Variants in PPM1E observed in about 807,000 individuals in gnomAD.
PPM1E encodes protein phosphatase, Mg2+/Mn2+ dependent 1E, also known as protein phosphatase 1E.
A neutral mutation model predicts 65.9 loss-of-function variants in PPM1E; 20 were observed. The observed-to-expected ratio is 0.30, with a 90% CI of 0.21 to 0.44. The LOEUF (loss-of-function observed/expected upper bound fraction) is 0.44. PPM1E is among the 20% of genes least tolerant of loss of function. The pLI, the probability that PPM1E is intolerant of heterozygous loss-of-function variation, is 1.00. For missense variants in PPM1E, 713 were observed against 953.1 expected (o/e 0.75, Z 3.32); for synonymous variants, 352 against 374.9 (o/e 0.94, Z 0.70).
At chr17:58,761,596 C>G (rs937721047) in intron 1 of PPM1E, among the ~76,000 whole-genome samples, 2 of 152,000 alleles carry the variant, frequency 1.3e-5, no homozygotes, top group Admixed American at 1.3e-4. Context: ...TATATTTTTC[C>G]CTCTGCTTGG....
At chr17:58,789,984 T>A (rs1411622419) in intron 1 of PPM1E, among the ~76,000 whole-genome samples, 1 of 152,160 alleles carries the variant, frequency 6.6e-6, no homozygotes, top group African/African-American at 2.4e-5. Context: ...TGACAGTTTT[T>A]ATGCATTTTT....
chr17:58,971,333 C>T (rs1598696922), intron 4 of PPM1E, among the ~76,000 whole-genome samples: 1 of 152,064 alleles, frequency 6.6e-6, no homozygotes, highest in African/African-American at 2.4e-5. Context: ...TACAAGAGAC[C>T]TTTTACCACC....
chr17:58,967,770 G>A (rs1173215599), intron 3 of PPM1E, among the ~76,000 whole-genome samples: 2 of 150,678 alleles, frequency 1.3e-5, no homozygotes, highest in Non-Finnish European at 3.0e-5. Context: ...CTTTAGTAGG[G>A]ATAGAAATTC....
intron 1 of PPM1E, among the ~76,000 whole-genome samples, chr17:58,782,064 C>G (rs1396751499): frequency 2.0e-5 from 3 of 151,914 alleles, no homozygotes; most frequent in Admixed American, 6.6e-5. Context: ...TGCTCTGCAT[C>G]TATTTATAGC....
chr17:58,932,463 T>C (rs955423674), intron 1 of PPM1E, among the ~76,000 whole-genome samples: 1 of 152,010 alleles, frequency 6.6e-6, no homozygotes, highest in African/African-American at 2.4e-5. Context: ...AGCAAGACGC[T>C]GTCTCAAAAA....
intron 1 of PPM1E, among the ~76,000 whole-genome samples, chr17:58,888,806 T>G (rs2051312051): frequency 1.3e-5 from 2 of 152,226 alleles, no homozygotes; most frequent in African/African-American, 4.8e-5. Flanking sequence ...TATTTAAAAT[T>G]CATAATATGT....
At chr17:58,830,364 G>A (rs2050589679) in intron 1 of PPM1E, among the ~76,000 whole-genome samples, 1 of 151,642 alleles carries the variant, frequency 6.6e-6, no homozygotes, top group African/African-American at 2.4e-5. Flanking sequence ...CTGTAGCGCA[G>A]TGGCGCAGTC....
intron 1 of PPM1E, among the ~76,000 whole-genome samples, chr17:58,813,614 G>A (rs1598587046): frequency 6.6e-6 from 1 of 152,150 alleles, no homozygotes; most frequent in Non-Finnish European, 1.5e-5. Flanking sequence ...GAGAATTTGA[G>A]TATGAACAAT....
At chr17:58,899,112 C>T (rs191166950) in intron 1 of PPM1E, among the ~76,000 whole-genome samples, 1 of 151,814 alleles carries the variant, frequency 6.6e-6, no homozygotes, top group East Asian at 1.9e-4. Flanking sequence ...ACATATATAA[C>T]AAACCTGCAC....
At chr17:58,827,629 G>T (rs951160240) in intron 1 of PPM1E, among the ~76,000 whole-genome samples, 1 of 152,124 alleles carries the variant, frequency 6.6e-6, no homozygotes, top group African/African-American at 2.4e-5. Flanking sequence ...AGGGCTGGGC[G>T]CGGTGGCTTA....
In PPM1E at chr17:58,983,900, A is replaced by C. The variant is rs1424951608; in HGVS notation, c.*2869A>C. On this transcript the variant is annotated 3_prime_UTR_variant, in exon 7 of 7. Transcript: ENST00000308249. ...CAGGTCACCAACTGAAGTCATTACA[A>C]ACTCCTTGTACATTCACTGTGAGTT... The C allele has an allele frequency of 2.6e-5, 4 of 152,642 alleles. No homozygotes were observed. Among genetic ancestry groups the C allele is most frequent in the African/African-American group, 7.2e-5 (3 of 41,456 alleles). 9.5% of individuals were successfully genotyped at this position (152,642 alleles called of 1,614,324 possible). A position where few individuals can be genotyped will look rare whatever the true frequency, so the allele number is the denominator to read the frequency against.
rs985844267 is a variant in PPM1E, at chr17:58,866,861, C to T, written c.465-88788C>T. ...TTTTTCTATGTTCCTTAAGGGGTCT[C>T]AGGACCACTAGAAGTCTCCTCTAGA... On this transcript the variant is annotated intron_variant, in intron 1 of 6. Transcript: ENST00000308249. Among the ~76,000 whole-genome samples the T allele has an allele frequency of 7.2e-5, 11 of 152,202 alleles. No individual in the cohort carries two copies. The South Asian group carries it at 1.0e-3, about 14-fold the overall frequency.
At chr17:58,850,483 A>G (rs1308938567) in intron 1 of PPM1E, among the ~76,000 whole-genome samples, 1 of 152,112 alleles carries the variant, frequency 6.6e-6, no homozygotes, top group Non-Finnish European at 1.5e-5. Flanking sequence ...TGGTGACAAA[A>G]TCTCTCAGCA....
intron 1 of PPM1E, among the ~76,000 whole-genome samples, chr17:58,930,250 T>TACACAC (rs377147999): frequency 4.6e-4 from 66 of 143,296 alleles, no homozygotes; most frequent in African/African-American, 1.3e-3. Flanking sequence ...TAAATGTATA[T>TACACAC]ACACACACAC....
At chr17:58,935,970 C>T (rs187582082) in intron 1 of PPM1E, among the ~76,000 whole-genome samples, 6 of 147,920 alleles carry the variant, frequency 4.1e-5, no homozygotes, top group Admixed American at 2.0e-4. Context: ...ATCTCTCCCC[C>T]CTCCCGCCAC....
At chr17:58,860,027 A>G (rs1218547834) in intron 1 of PPM1E, among the ~76,000 whole-genome samples, 1 of 152,230 alleles carries the variant, frequency 6.6e-6, no homozygotes, top group East Asian at 1.9e-4. Flanking sequence ...TCATTGTTCA[A>G]TAATGAGATT....
chr17:58,776,142 T>C (rs2049992103), intron 1 of PPM1E, among the ~76,000 whole-genome samples: 2 of 151,826 alleles, frequency 1.3e-5, no homozygotes, highest in South Asian at 4.2e-4. Flanking sequence ...CTGGGCAACA[T>C]AGTGAAACCC....
At position 58,980,855 on chromosome 17, in the gene PPM1E, C is replaced by T; in HGVS notation, c.2092C>T (p.His698Tyr). 1 of 1,614,140 alleles carries T rather than the reference C, an allele frequency of 6.2e-7. No homozygotes were observed. Among genetic ancestry groups the T allele is most frequent in the Non-Finnish European group, 8.5e-7 (1 of 1,180,014 alleles). ...YSFLSAQEPS[H>Y]KIGTSLSSLT... is the part of the protein sequence containing the mutation. ...ATTTCTCTCTGCTCAAGAGCCTTCC[C>T]ACAAAATAGGCACTAGCCTGTCCTC... is the stretch of plus-strand genomic sequence containing the variant. The change falls in exon 7 of 7, where the codon CAC becomes TAC. Residue 698 changes from histidine (H) to tyrosine (Y), a missense_variant. This residue lies in a region of PPM1E where 286 missense variants were observed against 313.8 expected (regional missense o/e 0.91). Transcript: ENST00000308249. This position sits in a 1 kb window ranked among gnomAD's most constrained non-coding sequence, Gnocchi z 4.7.
intron 1 of PPM1E, among the ~76,000 whole-genome samples, chr17:58,920,183 G>T (rs1567875070): frequency 1.3e-5 from 2 of 152,146 alleles, no homozygotes; most frequent in East Asian, 1.9e-4. Context: ...AATGGAAAAT[G>T]AGTTTTAGCA....
Sources: allele counts gnomAD v4.1 joint callset (sites outside exome capture counted in the v4.1 genomes callset), GRCh38; gene constraint gnomAD v4.1.1; regional missense constraint gnomAD v4.1.1; non-coding constraint Gnocchi (gnomAD v3.1); transcripts MANE v1.5; gene names NCBI Gene and HGNC (gene_info 2026-07-23, HGNC 2026-07-21).